SLC4A5: variants seen among roughly 807,000 people sequenced by gnomAD.
The protein encoded by SLC4A5 is solute carrier family 4 member 5.
SLC4A5 carries 96 observed loss-of-function variants against 120.4 expected under a neutral mutation model. The observed-to-expected ratio is 0.80, with a 90% CI of 0.68 to 0.94. The LOEUF is 0.94. Ranked by LOEUF, SLC4A5 falls within the 40% of genes least tolerant of loss-of-function variation. The probability of loss-of-function intolerance (pLI) is 0.00; values close to 1 mark genes in which losing one functional copy is unlikely to be tolerated. For missense variants in SLC4A5, 1,259 were observed against 1,459.5 expected (o/e 0.86, Z 2.24); for synonymous variants, 550 against 571.1 (o/e 0.96, Z 0.53).
intron 22 of SLC4A5, 117 bp downstream of exon 22, chr2:74,234,984 G>T (rs1400378348): frequency 5.1e-6 from 4 of 787,772 alleles, no homozygotes; most frequent in Non-Finnish European, 8.2e-6. Flanking sequence ...GGCACACAGA[G>T]AACTAAAATG....
At chr2:74,236,951 C>T (rs748499229) in intron 21 of SLC4A5, among the ~76,000 whole-genome samples, 4 of 151,228 alleles carry the variant, frequency 2.6e-5, no homozygotes, top group African/African-American at 4.9e-5. Context: ...TCTCTGCAAC[C>T]GGAAATTCCA....
chr2:74,320,201 G>A (rs1013891946), intron 5 of SLC4A5, among the ~76,000 whole-genome samples: 2 of 151,952 alleles, frequency 1.3e-5, no homozygotes, highest in African/African-American at 2.4e-5. Flanking sequence ...GTTCCCAAAA[G>A]AGAGATAAAA....
exon 19 of SLC4A5, chr2:74,247,233 A>C: frequency 1.9e-6 from 3 of 1,614,228 alleles, no homozygotes; most frequent in Non-Finnish European, 2.5e-6. Context: ...ATCTGTGGCC[A>C]CTAGGATAAG....
chr2:74,265,202 G>GA lies in SLC4A5; in HGVS notation c.463dup (p.Ser155PhefsTer35), dbSNP rs765945533. On this transcript the variant is annotated frameshift_variant, in exon 9 of 31. Coordinates refer to ENST00000394019, the Ensembl canonical transcript of SLC4A5. LOFTEE classifies it high-confidence loss of function. The stretch of plus-strand genomic sequence containing the variant: ...GAAGAGGCTGTGCAGGGATAGTGTG[G>GA]ACACGTGGGGCTTGCTCCAGCGTTC... 1 of 1,614,252 alleles carries GA rather than the reference G, an allele frequency of 6.2e-7. No homozygotes were observed.
intron 4 of SLC4A5, among the ~76,000 whole-genome samples, chr2:74,331,486 ATAGAAG>A (rs1397085509): frequency 6.6e-6 from 1 of 151,826 alleles, no homozygotes; most frequent in Non-Finnish European, 1.5e-5. Context: ...GCATGAAGAA[ATAGAAG>A]ATTGTTGTTG....
intron 5 of SLC4A5, among the ~76,000 whole-genome samples, chr2:74,326,119 T>C (rs1197392922): frequency 6.6e-6 from 1 of 152,154 alleles, no homozygotes; most frequent in Non-Finnish European, 1.5e-5. Context: ...CCCTCCTTGG[T>C]AAAAAGGCAT....
chr2:74,274,999 G>T (rs1056309869), intron 8 of SLC4A5, among the ~76,000 whole-genome samples: 1 of 152,188 alleles, frequency 6.6e-6, no homozygotes, highest in Non-Finnish European at 1.5e-5. Flanking sequence ...GTCTTAGATT[G>T]TTCTGCAATG....
chr2:74,313,722 A>G (rs1170980002), intron 6 of SLC4A5, among the ~76,000 whole-genome samples: 1 of 152,162 alleles, frequency 6.6e-6, no homozygotes, highest in Non-Finnish European at 1.5e-5. Flanking sequence ...TGTTTAAGCA[A>G]GCTGCAATTT....
chr2:74,329,932 G>A (rs756414658), intron 4 of SLC4A5, among the ~76,000 whole-genome samples: 1 of 151,856 alleles, frequency 6.6e-6, no homozygotes, highest in African/African-American at 2.4e-5. Context: ...AGACAGAGGT[G>A]TGAGGTGGAG....
chr2:74,221,098 C>A (rs1694628271), intron 30 of SLC4A5, among the ~76,000 whole-genome samples: 2 of 152,184 alleles, frequency 1.3e-5, no homozygotes, highest in African/African-American at 4.8e-5. Flanking sequence ...CCGCCTTGGC[C>A]TCCGAAAGTG....
intron 30 of SLC4A5, among the ~76,000 whole-genome samples, chr2:74,221,133 G>A (rs991292779): frequency 2.0e-5 from 3 of 152,180 alleles, no homozygotes; most frequent in African/African-American, 4.8e-5. Context: ...GTGAGGCACC[G>A]TGCTGGGCCA....
chr2:74,263,142 C>T (rs1231640597), intron 10 of SLC4A5, among the ~76,000 whole-genome samples: 3 of 152,184 alleles, frequency 2.0e-5, no homozygotes, highest in East Asian at 1.9e-4. Flanking sequence ...TGGGTTCAAG[C>T]GATCCTCCCA....
intron 9 of SLC4A5, 68 bp from the exon 10 acceptor site, chr2:74,264,367 T>G: frequency 6.6e-7 from 1 of 1,517,076 alleles, no homozygotes; most frequent in Non-Finnish European, 8.9e-7. Context: ...AAGTCTTCAG[T>G]TTCACCTGTT....
intron 9 of SLC4A5, among the ~76,000 whole-genome samples, chr2:74,264,740 G>C (rs987982742): frequency 6.6e-6 from 1 of 151,950 alleles, no homozygotes; most frequent in African/African-American, 2.4e-5. Flanking sequence ...TCCTCCCTTC[G>C]ACACACCACT....
intron 8 of SLC4A5, among the ~76,000 whole-genome samples, chr2:74,285,221 C>G (rs971253740): frequency 6.6e-6 from 1 of 152,110 alleles, no homozygotes; most frequent in African/African-American, 2.4e-5. Flanking sequence ...TGCACTGAAG[C>G]CTGGGCGACA....
At chr2:74,248,427 C>T (rs199751898) in exon 18 of SLC4A5, 132 of 1,614,112 alleles carry the variant, frequency 8.2e-5, no homozygotes, top group Non-Finnish European at 1.0e-4. Context: ...GAGGCTGTCC[C>T]GAGAAGAGGC....
exon 31 of SLC4A5, chr2:74,216,928 A>G (rs1694463316): frequency 6.6e-6 from 1 of 152,210 alleles, no homozygotes; most frequent in South Asian, 2.1e-4. Flanking sequence ...ACTTAAGCAT[A>G]GGAGATGGTT....
At chr2:74,296,694 C>A (rs912967235) in intron 7 of SLC4A5, among the ~76,000 whole-genome samples, 14 of 146,038 alleles carry the variant, frequency 9.6e-5, no homozygotes, top group Non-Finnish European at 1.6e-4. Flanking sequence ...GAGGCTGAGG[C>A]AGGAGAATTG....
chr2:74,255,739 GA>G lies in SLC4A5; in HGVS notation c.1025+35del. ...TGACTGCACTGCTGACTGGCTACCTGAGAGTGGCGTGGGGACAGGTTTCAAT... is the reference window on the plus strand; with the variant it reads ...TGACTGCACTGCTGACTGGCTACCTGGAGTGGCGTGGGGACAGGTTTCAAT... On this transcript the variant is annotated intron_variant, in intron 13 of 30. Coordinates refer to ENST00000394019, the Ensembl canonical transcript of SLC4A5. This position sits in a 1 kb window ranked among gnomAD's most constrained non-coding sequence, Gnocchi z 4.0. The G allele has an allele frequency of 6.2e-7, 1 of 1,611,144 alleles. No homozygotes were observed. Among genetic ancestry groups the G allele is most frequent in the Admixed American group, 1.7e-5 (1 of 59,972 alleles).
Sources: allele counts gnomAD v4.1 joint callset (sites outside exome capture counted in the v4.1 genomes callset), GRCh38; gene constraint gnomAD v4.1.1; non-coding constraint Gnocchi (gnomAD v3.1); transcripts MANE v1.5; gene names NCBI Gene and HGNC (gene_info 2026-07-23, HGNC 2026-07-21).